The following GABRR2 variants were observed in gnomAD, a reference collection of about 807,000 sequenced individuals.
The protein encoded by GABRR2 is gamma-aminobutyric acid type A receptor subunit rho2.
Under a neutral mutation model 47.0 loss-of-function variants are expected in GABRR2, and 36 were observed. The ratio of observed to expected loss-of-function variants is 0.77; its 90% CI spans 0.59 to 1.01. The LOEUF (loss-of-function observed/expected upper bound fraction) is 1.01. GABRR2 is among the 50% of genes least tolerant of loss of function. The pLI, the probability that GABRR2 is intolerant of heterozygous loss-of-function variation, is 0.00. For missense variants in GABRR2, 587 were observed against 594.6 expected (o/e 0.99, Z 0.13); for synonymous variants, 204 against 227.5 (o/e 0.90, Z 0.93).
chr6:89,296,801 A>G (rs1020999583), intron 2 of GABRR2, among the ~76,000 whole-genome samples: 1 of 152,354 alleles, frequency 6.6e-6, no homozygotes, highest in Non-Finnish European at 1.5e-5. Flanking sequence ...TTCTGGGAAC[A>G]TGGCAGGATT....
At chr6:89,305,999 TATAA>T (rs905224609) in intron 1 of GABRR2, among the ~76,000 whole-genome samples, 1 of 150,098 alleles carries the variant, frequency 6.7e-6, no homozygotes, top group African/African-American at 2.4e-5. Context: ...AGTAAATAAA[TATAA>T]ATAAATAAAT....
chr6:89,271,788 C>A, intron 2 of GABRR2, 66 bp from the exon 3 acceptor site: 1 of 1,395,244 alleles, frequency 7.2e-7, no homozygotes, highest in Non-Finnish European at 1.0e-6. Flanking sequence ...GGAACAGCCC[C>A]AGTTGGCTTC....
intron 1 of GABRR2, among the ~76,000 whole-genome samples, chr6:89,305,771 G>A (rs117335789): frequency 0.019 from 2,909 of 152,208 alleles, 47 homozygotes; most frequent in South Asian, 0.06. Flanking sequence ...CACAAAGAGG[G>A]GAACAAAAGA....
intron 8 of GABRR2, among the ~76,000 whole-genome samples, chr6:89,259,881 C>CTT (rs60399190): frequency 0.56 from 79,196 of 142,556 alleles, 23,173 homozygotes; most frequent in African/African-American, 0.74. Context: ...ATCTCTCTCT[C>CTT]TCTTTTTTTT....
intron 8 of GABRR2, among the ~76,000 whole-genome samples, chr6:89,264,139 C>A (rs1773819769): frequency 6.6e-6 from 1 of 152,098 alleles, no homozygotes; most frequent in African/African-American, 2.4e-5. Flanking sequence ...TGTAATCTCC[C>A]TTTTACAGAT....
At chr6:89,273,960 G>A (rs1479827946) in intron 2 of GABRR2, among the ~76,000 whole-genome samples, 1 of 152,232 alleles carries the variant, frequency 6.6e-6, no homozygotes, top group African/African-American at 2.4e-5. Flanking sequence ...ATACAGCGAT[G>A]GCCCTCTTGG....
Position 89,315,229 on chromosome 6 carries a change from T to G in GABRR2, c.-64A>C. 4 of 1,609,356 alleles carry G rather than the reference T, an allele frequency of 2.5e-6. No individual in the cohort carries two copies. Among genetic ancestry groups the G allele is most frequent in the Non-Finnish European group, 3.4e-6 (4 of 1,177,210 alleles). ...AGCCTGTGGCAGAGCAAATCCCCCC[T>G]GGCTTGACCATTGATCCATCTGCTG... is the stretch of plus-strand genomic sequence containing the variant. On this transcript the variant is annotated 5_prime_UTR_variant, in exon 1 of 9. Coordinates refer to ENST00000402938, the MANE Select transcript of GABRR2 (RefSeq NM_002043.5).
rs1242640059 is a variant in GABRR2, at chr6:89,280,253, T to TATATATAC, written c.221-8532_221-8531insGTATATAT. On this transcript the variant is annotated intron_variant, in intron 2 of 8. Transcript: ENST00000402938. Reference sequence around the variant, plus strand: ...ATATATATATATATATATATATATATACATACATATACATATACACATACA... The same window carrying TATATATAC: ...ATATATATATATATATATATATATATATATATACACATACATATACATATACACATACA... Among the ~76,000 whole-genome samples, 545 of 124,406 alleles carry TATATATAC rather than the reference T, an allele frequency of 4.4e-3. 4 individuals carry two copies. The highest frequency in any genetic ancestry group is 9.4e-3 in the African/African-American group (295 of 31,404). 81.6% of individuals were successfully genotyped at this position (124,406 alleles called of 152,430 possible).
chr6:89,280,603 T>C (rs934955171), intron 2 of GABRR2, among the ~76,000 whole-genome samples: 1 of 152,162 alleles, frequency 6.6e-6, no homozygotes, highest in African/African-American at 2.4e-5. Context: ...AACTGTCTCC[T>C]GGCCCTGGGC....
chr6:89,298,756 C>T (rs1043742044), intron 2 of GABRR2, among the ~76,000 whole-genome samples: 1 of 152,112 alleles, frequency 6.6e-6, no homozygotes, highest in Non-Finnish European at 1.5e-5. Context: ...TGTTTATGTC[C>T]CTGACAAATG....
At chr6:89,303,948 A>G (rs925578444) in intron 1 of GABRR2, among the ~76,000 whole-genome samples, 2 of 152,228 alleles carry the variant, frequency 1.3e-5, no homozygotes, top group Admixed American at 6.5e-5. Flanking sequence ...ATATACAAAT[A>G]TCAACTCAAG....
At chr6:89,263,327 T>C (rs1488247074) in intron 8 of GABRR2, among the ~76,000 whole-genome samples, 1 of 152,246 alleles carries the variant, frequency 6.6e-6, no homozygotes, top group East Asian at 1.9e-4. Flanking sequence ...AAAATATGTA[T>C]TAATCGACTG....
intron 6 of GABRR2, 101 bp downstream of exon 6, chr6:89,267,578 C>T: frequency 8.1e-7 from 1 of 1,230,246 alleles, no homozygotes; most frequent in Non-Finnish European, 1.1e-6. Flanking sequence ...AAACAAAAAA[C>T]AAAACACACA....
intron 1 of GABRR2, among the ~76,000 whole-genome samples, chr6:89,312,843 A>G (rs1767702699): frequency 6.6e-6 from 1 of 152,102 alleles, no homozygotes; most frequent in South Asian, 2.1e-4. Context: ...CTTGAAATGT[A>G]TGTGTTCATC....
chr6:89,269,347 G>T (rs1356988501), intron 3 of GABRR2, 113 bp from the exon 4 acceptor site: 7 of 804,664 alleles, frequency 8.7e-6, no homozygotes, highest in Non-Finnish European at 1.3e-5. Flanking sequence ...TCCAGATTCA[G>T]AGGTAACAGT....
At chr6:89,296,152 T>G (rs1774549626) in intron 2 of GABRR2, among the ~76,000 whole-genome samples, 1 of 152,238 alleles carries the variant, frequency 6.6e-6, no homozygotes, top group Non-Finnish European at 1.5e-5. Context: ...CACAGAGACC[T>G]GCCCATGAGG....
intron 2 of GABRR2, among the ~76,000 whole-genome samples, chr6:89,299,383 T>C (rs1185815415): frequency 1.3e-5 from 2 of 152,174 alleles, no homozygotes; most frequent in Admixed American, 1.3e-4. Context: ...ACTAGGACTT[T>C]TGAGGATCCT....
At chr6:89,280,043 C>T (rs1319505997) in intron 2 of GABRR2, among the ~76,000 whole-genome samples, 3 of 151,892 alleles carry the variant, frequency 2.0e-5, no homozygotes, top group Non-Finnish European at 4.4e-5. Context: ...AATCCCATCT[C>T]TACTAAAAAT....
At chr6:89,300,252 G>A (rs1383578177) in intron 1 of GABRR2, among the ~76,000 whole-genome samples, 1 of 152,158 alleles carries the variant, frequency 6.6e-6, no homozygotes, top group Non-Finnish European at 1.5e-5. Context: ...GCTCACACCT[G>A]TAATCCCAGC....
Sources: gnomAD v4.1 joint callset for allele counts (sites outside exome capture counted in the v4.1 genomes callset) on GRCh38, gnomAD v4.1.1 for gene constraint, MANE v1.5 for transcripts, NCBI Gene and HGNC (gene_info 2026-07-23, HGNC 2026-07-21) for gene names.